Variants in PACS2 observed in about 807,000 individuals in gnomAD.
PACS2 encodes phosphofurin acidic cluster sorting protein 2, also known as PACS1-like protein.
PACS2 carries 36 observed loss-of-function variants against 113.0 expected under a neutral mutation model. The observed-to-expected ratio is 0.32, with a 90% CI of 0.24 to 0.42. PACS2 has a LOEUF of 0.42. Ranked by LOEUF, PACS2 falls within the 10% of genes least tolerant of loss-of-function variation. The pLI is 1.00. For synonymous variants in PACS2, 589 were observed against 536.1 expected (o/e 1.10, Z -1.36); for missense variants, 1,015 against 1,239.5 (o/e 0.82, Z 2.72).
rs587704392 is a variant in PACS2 at position 105,329,849 on chromosome 14, T to C, written c.119+14812T>C. Among the ~76,000 whole-genome samples, 1 of 152,184 alleles carries C rather than the reference T, an allele frequency of 6.6e-6. No individual in the cohort carries two copies. The highest frequency in any genetic ancestry group is 2.1e-4 in the South Asian group (1 of 4,806). On this transcript the variant is annotated intron_variant, in intron 1 of 24. Coordinates refer to ENST00000447393, the MANE Select transcript of PACS2 (RefSeq NM_001100913.3). This position sits in a 1 kb window ranked among gnomAD's most constrained non-coding sequence, Gnocchi z 6.4. ...GGGTGAGGTCTCTGCAGCGGGAGCA[T>C]CCAGGCCTGGAACTCGAGCTGTGGT...
At chr14:105,382,737 G>T in intron 14 of PACS2, 70 bp from the exon 15 acceptor site, 1 of 1,039,798 alleles carries the variant, frequency 9.6e-7, no homozygotes, top group Non-Finnish European at 1.4e-6. Flanking sequence ...TGAGAGCTTT[G>T]GTGAGGGTCA....
chr14:105,384,523 C>A, intron 17 of PACS2, 60 bp downstream of exon 17: 1 of 1,075,668 alleles, frequency 9.3e-7, no homozygotes, highest in Non-Finnish European at 1.4e-6. Context: ...CCCGGTTTCC[C>A]CAGATGCTGT....
At chr14:105,319,904 G>A (rs114040002) in intron 1 of PACS2, among the ~76,000 whole-genome samples, 2,395 of 152,288 alleles carry the variant, frequency 0.016, 63 homozygotes, top group African/African-American at 0.052. Context: ...ATATAATCAA[G>A]TACTTTCATT....
chr14:105,397,424 G>C lies in PACS2; in HGVS notation c.*2752G>C, dbSNP rs1288317345. The stretch of plus-strand genomic sequence containing the variant: ...CTCACAGGACAGGAGGCAGCCCCTT[G>C]TAGAGCTAGGGCTCAGCCCCATCAG... On this transcript the variant is annotated 3_prime_UTR_variant, in exon 25 of 25. Coordinates refer to ENST00000447393, the MANE Select transcript of PACS2 (RefSeq NM_001100913.3). 2 of 152,268 alleles carry C rather than the reference G, an allele frequency of 1.3e-5. No homozygotes were observed. Among genetic ancestry groups the C allele is most frequent in the Non-Finnish European group, 2.9e-5 (2 of 68,116 alleles). The allele number at this position is 152,268 out of a possible 1,614,324, so 9.4% of individuals were successfully genotyped here. A position where few individuals can be genotyped will look rare whatever the true frequency, so the allele number is the denominator to read the frequency against.
intron 23 of PACS2, among the ~76,000 whole-genome samples, 174 bp from the exon 24 acceptor site, chr14:105,393,048 C>T (rs2081414172): frequency 6.6e-6 from 1 of 152,178 alleles, no homozygotes. Flanking sequence ...AGGCGGAGGC[C>T]AGCTGGGTGG....
rs1054982604 is a variant in PACS2 at position 105,380,835 on chromosome 14, A to C, written c.1126-122A>C. On this transcript the variant is annotated intron_variant, in intron 11 of 24. Coordinates refer to ENST00000447393, the MANE Select transcript of PACS2 (RefSeq NM_001100913.3). ...CTGGTCAGCGTATGGCCGGGTCCAC[A>C]TGTAGGAGCCACGGCCTAGAGAGGC... The C allele has an allele frequency of 7.5e-5, 70 of 932,898 alleles. 1 individual carries two copies. Among genetic ancestry groups the C allele is most frequent in the Non-Finnish European group, 9.7e-5 (62 of 641,152 alleles). The allele number at this position is 932,898 out of a possible 1,614,324, so 57.8% of individuals were successfully genotyped here. A position where few individuals can be genotyped will look rare whatever the true frequency, so the allele number is the denominator to read the frequency against.
chr14:105,337,729 C>T (rs2140944263), intron 1 of PACS2, among the ~76,000 whole-genome samples: 1 of 152,350 alleles, frequency 6.6e-6, no homozygotes, highest in South Asian at 2.1e-4. Flanking sequence ...GAGATGGGAA[C>T]CTCTCCAGAC....
upstream of PACS2, among the ~76,000 whole-genome samples, chr14:105,310,756 C>T (rs116653167): frequency 4.4e-3 from 674 of 152,186 alleles, 9 homozygotes; most frequent in African/African-American, 0.015. Flanking sequence ...ACATGTTCAT[C>T]ATGGAGAAAA....
chr14:105,321,592 G>T (rs1176049707), intron 1 of PACS2, among the ~76,000 whole-genome samples: 4 of 151,988 alleles, frequency 2.6e-5, no homozygotes, highest in African/African-American at 9.7e-5. Context: ...TGAATTCTTG[G>T]GCTCAAGCAG....
chr14:105,380,490 G>A (rs1184779894), intron 11 of PACS2, among the ~76,000 whole-genome samples: 9 of 133,872 alleles, frequency 6.7e-5, no homozygotes, highest in Admixed American at 3.0e-4. Context: ...GGTCAGGGCA[G>A]CTGGACTCAC....
intron 23 of PACS2, 100 bp downstream of exon 23, chr14:105,392,945 T>G (rs2081409455): frequency 3.2e-6 from 3 of 951,094 alleles, no homozygotes; most frequent in Admixed American, 4.0e-5. Flanking sequence ...CGGGCTGGCC[T>G]CGGGCAGCCC....
chr14:105,375,251 G>A (rs1056442998), intron 8 of PACS2, among the ~76,000 whole-genome samples: 2 of 152,072 alleles, frequency 1.3e-5, no homozygotes, highest in Non-Finnish European at 2.9e-5. Flanking sequence ...AGGCCGAGGC[G>A]GGTGGATTAC....
chr14:105,308,303 A>G (rs1020540725), intron 1 of PACS2, among the ~76,000 whole-genome samples: 1 of 152,034 alleles, frequency 6.6e-6, no homozygotes, highest in African/African-American at 2.4e-5. Flanking sequence ...GAAATATGGC[A>G]AAACAGCATC....
intron 9 of PACS2, 105 bp downstream of exon 9, chr14:105,377,030 C>G: frequency 8.0e-7 from 1 of 1,245,826 alleles, no homozygotes; most frequent in Non-Finnish European, 1.1e-6. Context: ...ACGGGGTGGG[C>G]AGGGCCAGCT....
chr14:105,368,353 G>T, intron 6 of PACS2, 106 bp from the exon 7 acceptor site: 1 of 920,474 alleles, frequency 1.1e-6, no homozygotes, highest in South Asian at 1.4e-5. Context: ...GGACACAGGT[G>T]GGCTCTCAGT....
rs188452568 is a variant in PACS2 at position 105,341,558 on chromosome 14, T to C, written c.120-6935T>C. Among the ~76,000 whole-genome samples the C allele has an allele frequency of 6.0e-4, 92 of 152,376 alleles. 2 individuals are homozygous for C. The highest frequency in any genetic ancestry group is 4.8e-3 in the Admixed American group (73 of 15,310). ...TGTAGGTTTTCTGGTGTCTTTGTTATGATTCTCTCAGGGCCAAGTGTGGTG... is the reference window on the plus strand; with the variant it reads ...TGTAGGTTTTCTGGTGTCTTTGTTACGATTCTCTCAGGGCCAAGTGTGGTG... On this transcript the variant is annotated intron_variant, in intron 1 of 24. Coordinates refer to ENST00000447393, the MANE Select transcript of PACS2 (RefSeq NM_001100913.3).
intron 18 of PACS2, among the ~76,000 whole-genome samples, chr14:105,385,332 C>T (rs1025218579): frequency 6.6e-6 from 1 of 152,238 alleles, no homozygotes; most frequent in African/African-American, 2.4e-5. Context: ...CTGGGTTTCT[C>T]GGGCTGGGGA....
rs986819456 is a variant in PACS2, at chr14:105,357,159, G to T, written c.423+1982G>T. Reference sequence around the variant, plus strand: ...CAGCACTGGTGCTTCTGTGTTTGACGTCCTTGCCCTGAATGCTGGCCTCTG... The same window carrying T: ...CAGCACTGGTGCTTCTGTGTTTGACTTCCTTGCCCTGAATGCTGGCCTCTG... On this transcript the variant is annotated intron_variant, in intron 4 of 24. Transcript: ENST00000447393. The surrounding 1 kb of genome is among the most constrained non-coding windows in gnomAD (Gnocchi z 5.1). Among the ~76,000 whole-genome samples, 1 of 152,128 alleles carries T rather than the reference G, an allele frequency of 6.6e-6. No individual in the cohort carries two copies. Among genetic ancestry groups the T allele is most frequent in the Admixed American group, 6.5e-5 (1 of 15,276 alleles).
In PACS2 at chr14:105,324,735, T is replaced by TG. The variant is rs1044131127; in HGVS notation, c.119+9704dup. ...GTGGCGCCCCGTCTCACCCCACGGA[T>TG]GGGGGGCAGGCTCTCCAGGAGCCCC... is the stretch of plus-strand genomic sequence containing the variant. On this transcript the variant is annotated intron_variant, in intron 1 of 24. Transcript: ENST00000447393. The surrounding 1 kb of genome is among the most constrained non-coding windows in gnomAD (Gnocchi z 4.7). 6.6e-6 allele frequency among the ~76,000 whole-genome samples: 1 copy of TG among 152,000 alleles called. No individual in the cohort carries two copies. The highest frequency in any genetic ancestry group is 1.5e-5 in the Non-Finnish European group (1 of 67,948).
Sources: gnomAD v4.1 joint callset for allele counts (sites outside exome capture counted in the v4.1 genomes callset) on GRCh38, gnomAD v4.1.1 for gene constraint, Gnocchi (gnomAD v3.1) non-coding constraint, MANE v1.5 for transcripts, NCBI Gene and HGNC (gene_info 2026-07-23, HGNC 2026-07-21) for gene names.